Variants in PCDH15 observed in about 807,000 individuals in gnomAD.
PCDH15 encodes protocadherin related 15.
PCDH15 carries 129 observed loss-of-function variants against 178.5 expected under a neutral mutation model. That is an observed-to-expected ratio of 0.72 (90% CI 0.63 to 0.84). PCDH15 has a LOEUF of 0.84. PCDH15 is among the 40% of genes least tolerant of loss of function. The pLI is 0.00. For synonymous variants in PCDH15, 800 were observed against 732.0 expected, an observed-to-expected ratio of 1.09 and a Z score of -1.50; for missense variants, 2,230 against 2,099.9, an observed-to-expected ratio of 1.06 and a Z score of -1.21.
chr10:55,602,581 C>A (rs1328897129), intron 2 of PCDH15, among the ~76,000 whole-genome samples: 1 of 152,096 alleles, frequency 6.6e-6, no homozygotes, highest in African/African-American at 2.4e-5. Flanking sequence ...TCCCTGACCG[C>A]TGACCCCCGA....
At chr10:54,450,252 TCATTTA>T (rs1293520779) in intron 3 of PCDH15, among the ~76,000 whole-genome samples, 2 of 150,376 alleles carry the variant, frequency 1.3e-5, no homozygotes, top group African/African-American at 4.9e-5. Context: ...CATTAACTCG[TCATTTA>T]CATTACTTTT....
chr10:54,168,440 T>A (rs1225300731), intron 13 of PCDH15, among the ~76,000 whole-genome samples: 1 of 151,918 alleles, frequency 6.6e-6, no homozygotes, highest in Non-Finnish European at 1.5e-5. Context: ...AGGCTGCTCC[T>A]CGCCAGGCCG....
At chr10:54,907,699 T>C (rs1292308522) in intron 2 of PCDH15, among the ~76,000 whole-genome samples, 1 of 152,196 alleles carries the variant, frequency 6.6e-6, no homozygotes, top group Non-Finnish European at 1.5e-5. Context: ...ATAGTTTATG[T>C]CTGTAAGCAC....
chr10:55,504,418 T>A (rs184728361), intron 2 of PCDH15, among the ~76,000 whole-genome samples: 204 of 151,480 alleles, frequency 1.3e-3, no homozygotes, highest in Non-Finnish European at 2.2e-3. Context: ...GTAAATGAGG[T>A]CTCAAAGACA....
chr10:54,281,159 A>G (rs1193192926), intron 8 of PCDH15, among the ~76,000 whole-genome samples: 11 of 151,912 alleles, frequency 7.2e-5, no homozygotes, highest in Non-Finnish European at 1.6e-4. Context: ...TTAGCTAGAA[A>G]AATTCTCAGC....
chr10:55,207,916 G>A (rs1040316675), intron 1 of PCDH15, among the ~76,000 whole-genome samples: 5 of 152,038 alleles, frequency 3.3e-5, no homozygotes, highest in Non-Finnish European at 5.9e-5. Flanking sequence ...TTGCAGTGAG[G>A]CGAGGCTGCA....
chr10:54,846,384 C>T (rs1348882426), intron 3 of PCDH15, among the ~76,000 whole-genome samples: 1 of 152,032 alleles, frequency 6.6e-6, no homozygotes, highest in African/African-American at 2.4e-5. Context: ...AAATCATTGC[C>T]GAATGAATGA....
intron 2 of PCDH15, among the ~76,000 whole-genome samples, chr10:55,072,564 T>C: frequency 6.6e-6 from 1 of 152,086 alleles, no homozygotes; most frequent in Non-Finnish European, 1.5e-5. Flanking sequence ...GTTGAATCTC[T>C]GAATAGACCA....
intron 3 of PCDH15, among the ~76,000 whole-genome samples, chr10:54,438,150 G>A (rs556190281): frequency 4.7e-4 from 72 of 151,598 alleles, no homozygotes; most frequent in Non-Finnish European, 8.0e-4. Flanking sequence ...GAATTGATAT[G>A]TAACAGGAAG....
chr10:53,881,126 T>C (rs879509267), intron 26 of PCDH15, among the ~76,000 whole-genome samples: 1 of 152,200 alleles, frequency 6.6e-6, no homozygotes, highest in African/African-American at 2.4e-5. Context: ...TAAAAAGAAA[T>C]GGCTCCAACA....
intron 1 of PCDH15, among the ~76,000 whole-genome samples, chr10:54,721,361 GA>G (rs998959961): frequency 2.0e-5 from 3 of 151,104 alleles, no homozygotes; most frequent in Admixed American, 2.0e-4. Context: ...TCTAGCAGAA[GA>G]AAAAAAATAA....
At chr10:54,795,167 CT>C (rs372949540) in intron 1 of PCDH15, among the ~76,000 whole-genome samples, 5 of 151,840 alleles carry the variant, frequency 3.3e-5, no homozygotes, top group South Asian at 4.1e-4. Flanking sequence ...TAGTTTTATA[CT>C]TTTTTTCTAA....
rs1488089482 is a variant in PCDH15, at chr10:54,528,346, T to C, written c.92-469A>G. On this transcript the variant is annotated intron_variant, in intron 2 of 37. Transcript: ENST00000644397. The stretch of plus-strand genomic sequence containing the variant: ...GAATAAAACAAAGACAGACAAGCAA[T>C]GCTCATGAGGTTGTTTGGGGTTTTT... The C allele has an allele frequency of 4.6e-6, 7 of 1,526,726 alleles. No homozygotes were observed. The African/African-American group carries it at 5.5e-5, about 12-fold the overall frequency. 94.6% of individuals were successfully genotyped at this position (1,526,726 alleles called of 1,614,324 possible). A position where few individuals can be genotyped will look rare whatever the true frequency, so the allele number is the denominator to read the frequency against.
chr10:53,992,491 G>A (rs1314531981), intron 21 of PCDH15, among the ~76,000 whole-genome samples: 1 of 152,090 alleles, frequency 6.6e-6, no homozygotes, highest in Non-Finnish European at 1.5e-5. Flanking sequence ...TTCACTTGTT[G>A]GAGATGAAGT....
intron 2 of PCDH15, among the ~76,000 whole-genome samples, chr10:55,559,857 T>G (rs1842161041): frequency 6.6e-6 from 1 of 151,820 alleles, no homozygotes; most frequent in Admixed American, 6.6e-5. Flanking sequence ...TCCTGTAGAG[T>G]TCTCTTTACA....
At chr10:54,825,099 C>T (rs1187854001) in intron 3 of PCDH15, among the ~76,000 whole-genome samples, 1 of 151,984 alleles carries the variant, frequency 6.6e-6, no homozygotes, top group East Asian at 1.9e-4. Flanking sequence ...GTTCAATTCC[C>T]ACCTATGAGT....
At chr10:54,124,900 G>A (rs1015249596) in intron 15 of PCDH15, among the ~76,000 whole-genome samples, 2 of 152,212 alleles carry the variant, frequency 1.3e-5, no homozygotes, top group African/African-American at 4.8e-5. Context: ...GGGTCATGCT[G>A]TAAGACAGCT....
intron 20 of PCDH15, among the ~76,000 whole-genome samples, chr10:54,014,976 T>C (rs1364196529): frequency 6.6e-6 from 1 of 152,118 alleles, no homozygotes; most frequent in Non-Finnish European, 1.5e-5. Flanking sequence ...ACTACCCCTG[T>C]TTGCAGATGA....
chr10:54,701,809 CT>C (rs1405256484), intron 1 of PCDH15, among the ~76,000 whole-genome samples: 1 of 151,954 alleles, frequency 6.6e-6, no homozygotes, highest in East Asian at 1.9e-4. Flanking sequence ...ATAAAACAAG[CT>C]CTTAGAGACC....
Sources: allele counts gnomAD v4.1 joint callset (sites outside exome capture counted in the v4.1 genomes callset), GRCh38; gene constraint gnomAD v4.1.1; transcripts MANE v1.5; gene names NCBI Gene and HGNC (gene_info 2026-07-23, HGNC 2026-07-21).